The following SHQ1 variants were observed in gnomAD, a reference collection of about 807,000 sequenced individuals.
SHQ1 encodes protein SHQ1 homolog.
Under a neutral mutation model 53.8 loss-of-function variants are expected in SHQ1, and 49 were observed. That is an observed-to-expected ratio of 0.91 (90% CI 0.72 to 1.16). The LOEUF (loss-of-function observed/expected upper bound fraction) is 1.16. Among genes scored for constraint, SHQ1 ranks in the 50% most tolerant of loss-of-function variants. SHQ1 has a pLI of 0.00. For missense variants in SHQ1, 738 were observed against 683.1 expected (o/e 1.08, Z -0.90); for synonymous variants, 243 against 251.0 (o/e 0.97, Z 0.30).
At chr3:72,764,855 G>C (rs1705687540) in intron 10 of SHQ1, among the ~76,000 whole-genome samples, 1 of 152,160 alleles carries the variant, frequency 6.6e-6, no homozygotes, top group Non-Finnish European at 1.5e-5. Context: ...TCAATATTGT[G>C]GATTCTTGGA....
chr3:72,728,066 T>C, the SHQ1 span, among the ~76,000 whole-genome samples: 1,686 of 152,300 alleles, frequency 0.011, 15 homozygotes, highest in Non-Finnish European at 0.018. Context: ...AGTGGGACTG[T>C]GGTCTAGTTG....
At chr3:72,764,010 GAAA>G (rs77924186) in intron 10 of SHQ1, among the ~76,000 whole-genome samples, 1 of 140,414 alleles carries the variant, frequency 7.1e-6, no homozygotes, top group African/African-American at 2.6e-5. Context: ...TTTACAAATG[GAAA>G]AAAAAAAAAG....
chr3:72,752,384 G>A (rs983461240), intron 10 of SHQ1, among the ~76,000 whole-genome samples: 7 of 152,178 alleles, frequency 4.6e-5, no homozygotes, highest in Admixed American at 2.0e-4. Flanking sequence ...GGATGATGGC[G>A]TGACGGAGCC....
rs758516487 is a variant in SHQ1 at position 72,848,207 on chromosome 3, T to C, written c.134A>G (p.Tyr45Cys). The change falls in exon 1 of 11, where the codon TAC becomes TGC. Residue 45 changes from tyrosine to cysteine, a missense_variant. Transcript: ENST00000325599. The stretch of plus-strand genomic sequence containing the variant: ...GGCACCCCGAACTCGCCTGAGAAAG[T>C]ATGGCTTGGCGTAGAACTTGAAGTC... The part of the protein sequence containing the change: ...GSDFKFYAKP[Y>C]FLRLTLPGRI... The C allele has an allele frequency of 3.7e-6, 6 of 1,613,974 alleles. No individual in the cohort carries two copies. The highest frequency in any genetic ancestry group is 1.3e-5 in the African/African-American group (1 of 74,888).
At position 72,812,734 on chromosome 3, in the gene SHQ1, G is replaced by A. The variant is rs759531964; in HGVS notation, c.997C>T (p.Leu333Phe). 29 of 1,614,060 alleles carry A rather than the reference G, an allele frequency of 1.8e-5. No homozygotes were observed. Among genetic ancestry groups the A allele is most frequent in the Non-Finnish European group, 2.2e-5 (26 of 1,179,980 alleles). The change falls in exon 9 of 11, where the codon CTC (leucine) becomes TTC (phenylalanine). Residue 333 changes from leucine (L) to phenylalanine (F), a missense_variant. Coordinates refer to ENST00000325599, the MANE Select transcript of SHQ1 (RefSeq NM_018130.3). Reference protein sequence around the residue: ...SFGRRVLCYPLYRHFKLVMKA... With the variant: ...SFGRRVLCYPFYRHFKLVMKA... The stretch of plus-strand genomic sequence containing the variant: ...ATCACCAGCTTGAAATGGCGATAGA[G>A]TGGGTAACACAACACCCTTCTTCCA...
At chr3:72,770,522 T>C (rs1334019354) in intron 10 of SHQ1, among the ~76,000 whole-genome samples, 1 of 152,112 alleles carries the variant, frequency 6.6e-6, no homozygotes, top group African/African-American at 2.4e-5. Context: ...GGAGTTTGCT[T>C]TTGCCAGTTT....
At chr3:72,738,496 T>C in the SHQ1 span, among the ~76,000 whole-genome samples, 2 of 152,030 alleles carry the variant, frequency 1.3e-5, no homozygotes, top group Non-Finnish European at 2.9e-5. Context: ...GATAAGCTTG[T>C]GAATTTAGGG....
chr3:72,744,533 G>T (rs1705222446), downstream of SHQ1, among the ~76,000 whole-genome samples: 1 of 152,196 alleles, frequency 6.6e-6, no homozygotes, highest in Admixed American at 6.5e-5. Context: ...TCATTTATCT[G>T]TTTGACATGT....
chr3:72,841,276 A>C, intron 3 of SHQ1, 77 bp from the exon 4 acceptor site: 1 of 1,185,814 alleles, frequency 8.4e-7, no homozygotes, highest in Non-Finnish European at 1.2e-6. Context: ...ATAGGAAAAA[A>C]TGCCCACAAA....
rs186949173 is a variant in SHQ1, at chr3:72,797,808, G to A, written c.1061-4772C>T. 3.9e-3 allele frequency among the ~76,000 whole-genome samples: 592 copies of A among 152,262 alleles called. 4 individuals carry two copies. Among genetic ancestry groups the A allele is most frequent in the African/African-American group, 0.014 (573 of 41,556 alleles). On this transcript the variant is annotated intron_variant, in intron 9 of 10. Transcript: ENST00000325599. Reference sequence around the variant, plus strand: ...CAATATGCATTGTTACTCTGAGGTCGTACTTGATCTCTTTTGTTCCGACTA... The same window carrying A: ...CAATATGCATTGTTACTCTGAGGTCATACTTGATCTCTTTTGTTCCGACTA...
chr3:72,823,150 A>G (rs917222308), intron 6 of SHQ1, among the ~76,000 whole-genome samples: 4 of 89,904 alleles, frequency 4.4e-5, no homozygotes, highest in Non-Finnish European at 1.0e-4. Context: ...CTCCGTCTCA[A>G]AAAAAAAAAA....
intron 9 of SHQ1, chr3:72,795,494 C>T (rs920994379): frequency 2.0e-5 from 3 of 152,152 alleles, no homozygotes; most frequent in South Asian, 4.1e-4. Flanking sequence ...CCATGTTACC[C>T]AAAGAATCAA....
chr3:72,744,836 CCAAA>C (rs1201243851), downstream of SHQ1, among the ~76,000 whole-genome samples: 1 of 150,450 alleles, frequency 6.6e-6, no homozygotes, highest in Non-Finnish European at 1.5e-5. Context: ...AGACCCCTGA[CCAAA>C]CAATCAGAGA....
At chr3:72,824,398 A>C in intron 6 of SHQ1, 26 bp downstream of exon 6, 1 of 1,608,918 alleles carries the variant, frequency 6.2e-7, no homozygotes. Context: ...AAAATGAAAC[A>C]AATTAGCCGA....
At chr3:72,801,293 AT>A (rs1268457870) in intron 9 of SHQ1, among the ~76,000 whole-genome samples, 1 of 152,132 alleles carries the variant, frequency 6.6e-6, no homozygotes, top group Non-Finnish European at 1.5e-5. Flanking sequence ...TGTGGGTAAA[AT>A]TTTTATTCAA....
At chr3:72,729,980 G>T in the SHQ1 span, among the ~76,000 whole-genome samples, 442 of 152,154 alleles carry the variant, frequency 2.9e-3, 3 homozygotes, top group African/African-American at 0.01. Flanking sequence ...CACCTCACCA[G>T]GCTAATTTTT....
chr3:72,824,448 C>T lies in SHQ1; in HGVS notation c.703G>A (p.Glu235Lys). 6.2e-6 allele frequency: 10 copies of T among 1,611,658 alleles called. No individual in the cohort carries two copies. Among genetic ancestry groups the T allele is most frequent in the Non-Finnish European group, 8.5e-6 (10 of 1,179,504 alleles). ...KMMAFLEKSQ[E>K]QENHATLVSF... ...CCTAATGTAGCATGATTTTCTTGTT[C>T]CTGACTCTTTTCCAAAAAGGCCATC... The change falls in exon 6 of 11, where the codon GAA becomes AAA. Residue 235 changes from glutamate to lysine, a missense_variant. Coordinates refer to ENST00000325599, the MANE Select transcript of SHQ1 (RefSeq NM_018130.3).
At chr3:72,820,674 T>A (rs1466637165) in intron 6 of SHQ1, among the ~76,000 whole-genome samples, 1 of 152,212 alleles carries the variant, frequency 6.6e-6, no homozygotes, top group African/African-American at 2.4e-5. Context: ...TGAATAACAT[T>A]TGTCAAGCAT....
intron 4 of SHQ1, among the ~76,000 whole-genome samples, chr3:72,839,549 T>A (rs1708097691): frequency 6.6e-6 from 1 of 152,214 alleles, no homozygotes; most frequent in Non-Finnish European, 1.5e-5. Flanking sequence ...CATTATCTTT[T>A]TAAATTTTCA....
Sources: gnomAD v4.1 joint callset for allele counts (sites outside exome capture counted in the v4.1 genomes callset) on GRCh38, gnomAD v4.1.1 for gene constraint, MANE v1.5 for transcripts, NCBI Gene and HGNC (gene_info 2026-07-23, HGNC 2026-07-21) for gene names.